FOXP1: variants seen among roughly 807,000 people sequenced by gnomAD.
The protein encoded by FOXP1 is forkhead box protein P1.
FOXP1 carries 15 observed loss-of-function variants against 98.2 expected under a neutral mutation model. The ratio of observed to expected loss-of-function variants is 0.15; its 90% confidence interval spans 0.10 to 0.24. The LOEUF is 0.24. Ranked by LOEUF, FOXP1 falls within the 10% of genes least tolerant of loss-of-function variation. The pLI is 1.00. For missense variants in FOXP1, 633 were observed against 848.5 expected (o/e 0.75, Z 3.15); for synonymous variants, 371 against 314.5 (o/e 1.18, Z -1.90).
chr3:71,563,580 G>C (rs746234974), intron 2 of FOXP1, among the ~76,000 whole-genome samples: 1 of 152,152 alleles, frequency 6.6e-6, no homozygotes, highest in Non-Finnish European at 1.5e-5. Flanking sequence ...GGAAAACTTT[G>C]TATTGTAGCC....
rs537418643 is a variant in FOXP1, at chr3:70,970,626, T to C, written c.1722+110A>G. 8.0e-5 allele frequency: 78 copies of C among 977,592 alleles called. 1 individual carries two copies. The highest frequency in any genetic ancestry group is 1.2e-4 in the Non-Finnish European group (73 of 601,672). 60.6% of individuals were successfully genotyped at this position (977,592 alleles called of 1,614,324 possible). ...ATGCTTTGTGCACTTAAGAAAAAAGTTTAACGGAATTAAAATTTAATATCT... is the reference window on the plus strand; with the variant it reads ...ATGCTTTGTGCACTTAAGAAAAAAGCTTAACGGAATTAAAATTTAATATCT... On this transcript the variant is annotated intron_variant, in intron 19 of 20. Transcript: ENST00000649528.
At chr3:71,108,485 G>A (rs556875301) in intron 7 of FOXP1, among the ~76,000 whole-genome samples, 2 of 152,236 alleles carry the variant, frequency 1.3e-5, no homozygotes, top group African/African-American at 2.4e-5. Flanking sequence ...GAAAGCCTAT[G>A]CTGGGCACAG....
At chr3:71,064,773 G>A (rs1296880006) in intron 7 of FOXP1, 1 of 984,342 alleles carries the variant, frequency 1.0e-6, no homozygotes, top group Admixed American at 6.2e-5. Context: ...GGGCGCCGCG[G>A]AGCCGGGGGA....
intron 3 of FOXP1, among the ~76,000 whole-genome samples, chr3:71,464,202 G>A (rs1189168505): frequency 1.3e-5 from 2 of 152,186 alleles, no homozygotes; most frequent in Non-Finnish European, 2.9e-5. Flanking sequence ...ACTGAGCCCG[G>A]GAGACGGAGG....
chr3:70,987,873 C>T (rs942307851), intron 14 of FOXP1, 121 bp downstream of exon 14: 12 of 816,756 alleles, frequency 1.5e-5, no homozygotes, highest in African/African-American at 1.0e-4. Context: ...GAATCTAAGG[C>T]CCTCAAAACT....
At chr3:71,448,906 C>G (rs2086691514) in intron 3 of FOXP1, among the ~76,000 whole-genome samples, 1 of 152,188 alleles carries the variant, frequency 6.6e-6, no homozygotes, top group South Asian at 2.1e-4. Flanking sequence ...AGGACACTTG[C>G]AACTGTACAA....
At chr3:71,289,046 A>G (rs1188815963) in intron 5 of FOXP1, among the ~76,000 whole-genome samples, 1 of 136,894 alleles carries the variant, frequency 7.3e-6, no homozygotes, top group East Asian at 2.5e-4. Context: ...TTATTTATTT[A>G]TTTTTTGAGA....
At chr3:71,342,166 A>G (rs1326672723) in intron 4 of FOXP1, among the ~76,000 whole-genome samples, 1 of 152,248 alleles carries the variant, frequency 6.6e-6, no homozygotes, top group Non-Finnish European at 1.5e-5. Flanking sequence ...TTCCATGTAC[A>G]CATCAGGAAT....
intron 11 of FOXP1, among the ~76,000 whole-genome samples, chr3:71,033,602 C>CAAAAAAAAAAAA (rs35470748): frequency 1.7e-4 from 12 of 70,674 alleles, no homozygotes; most frequent in Middle Eastern, 0.01. Context: ...AGTGAACAGT[C>CAAAAAAAAAAAA]AAAAAAAAAA....
At chr3:71,579,079 A>C (rs962471054) in intron 2 of FOXP1, among the ~76,000 whole-genome samples, 2 of 152,214 alleles carry the variant, frequency 1.3e-5, no homozygotes, top group African/African-American at 4.8e-5. Context: ...AAAAATATAT[A>C]AACTGCTTAC....
intron 4 of FOXP1, among the ~76,000 whole-genome samples, chr3:71,342,640 C>A (rs1362622463): frequency 2.0e-5 from 3 of 151,410 alleles, no homozygotes; most frequent in Non-Finnish European, 4.4e-5. Context: ...CTGCAGTGAG[C>A]CGAGATCACG....
intron 5 of FOXP1, among the ~76,000 whole-genome samples, chr3:71,262,619 TG>T (rs2069267349): frequency 2.0e-5 from 3 of 152,058 alleles, no homozygotes; most frequent in Non-Finnish European, 2.9e-5. Context: ...AGAACCAACG[TG>T]GGAAACAAAT....
At chr3:70,979,147 T>A (rs2038227919) in intron 14 of FOXP1, among the ~76,000 whole-genome samples, 1 of 151,458 alleles carries the variant, frequency 6.6e-6, no homozygotes, top group East Asian at 2.0e-4. Flanking sequence ...CCATGTGTGG[T>A]GGCACATGCC....
intron 3 of FOXP1, among the ~76,000 whole-genome samples, chr3:71,487,223 G>C (rs1226032500): frequency 1.3e-5 from 2 of 152,018 alleles, no homozygotes; most frequent in African/African-American, 4.8e-5. Flanking sequence ...TTGAAGGGTA[G>C]AAAATAAACT....
intron 4 of FOXP1, among the ~76,000 whole-genome samples, chr3:71,324,423 A>C (rs2075566627): frequency 6.6e-6 from 1 of 152,234 alleles, no homozygotes; most frequent in Admixed American, 6.5e-5. Context: ...ACATCATGGA[A>C]TACTATGCAG....
At chr3:71,268,833 T>A (rs147375224) in intron 5 of FOXP1, among the ~76,000 whole-genome samples, 2 of 152,118 alleles carry the variant, frequency 1.3e-5, no homozygotes, top group African/African-American at 4.8e-5. Context: ...TGATTTAATA[T>A]CTCTATCACT....
chr3:71,470,867 G>A (rs1415303818), intron 3 of FOXP1, among the ~76,000 whole-genome samples: 4 of 152,200 alleles, frequency 2.6e-5, no homozygotes, highest in Non-Finnish European at 5.9e-5. Context: ...AAGCTTCTGA[G>A]ACAGACAGAA....
chr3:70,970,899 A>G (rs1269013402), intron 18 of FOXP1, 94 bp from the exon 19 acceptor site: 1 of 948,468 alleles, frequency 1.1e-6, no homozygotes, highest in Non-Finnish European at 1.7e-6. Flanking sequence ...TGCCCTTCCA[A>G]ATGAGCAATT....
intron 6 of FOXP1, among the ~76,000 whole-genome samples, chr3:71,115,856 C>G (rs2058336865): frequency 6.6e-6 from 1 of 151,754 alleles, no homozygotes; most frequent in Non-Finnish European, 1.5e-5. Context: ...CCTGCCCAAG[C>G]CTCCCGAGTA....
Sources: gnomAD v4.1 joint callset for allele counts (sites outside exome capture counted in the v4.1 genomes callset) on GRCh38, gnomAD v4.1.1 for gene constraint, MANE v1.5 for transcripts, NCBI Gene and HGNC (gene_info 2026-07-23, HGNC 2026-07-21) for gene names.